The following CPEB1 variants were observed in gnomAD, a reference collection of about 807,000 sequenced individuals.
CPEB1 encodes cytoplasmic polyadenylation element-binding protein 1.
CPEB1 carries 7 observed loss-of-function variants against 65.8 expected under a neutral mutation model. That is an observed-to-expected ratio of 0.11 (90% CI 0.06 to 0.20). The LOEUF is 0.20. Ranked by LOEUF, CPEB1 falls within the 10% of genes least tolerant of loss-of-function variation. CPEB1 has a pLI of 1.00. For synonymous variants in CPEB1, 262 were observed against 260.0 expected, an observed-to-expected ratio of 1.01 and a Z score of -0.08; for missense variants, 551 against 712.2, an observed-to-expected ratio of 0.77 and a Z score of 2.58.
intron 1 of CPEB1, among the ~76,000 whole-genome samples, chr15:82,644,066 G>A (rs587694163): frequency 1.3e-5 from 2 of 152,282 alleles, no homozygotes; most frequent in East Asian, 1.9e-4. Flanking sequence ...CACAGTGGGA[G>A]GAGCCTGCCT....
At chr15:82,577,426 CTATT>C (rs2040778487) in intron 3 of CPEB1, among the ~76,000 whole-genome samples, 2 of 152,102 alleles carry the variant, frequency 1.3e-5, no homozygotes, top group Non-Finnish European at 2.9e-5. Flanking sequence ...TGCACAAAAA[CTATT>C]TTAAGTTTTC....
At chr15:82,617,924 G>A (rs1382770827) in intron 3 of CPEB1, among the ~76,000 whole-genome samples, 2 of 150,832 alleles carry the variant, frequency 1.3e-5, no homozygotes, top group Non-Finnish European at 3.0e-5. Context: ...TAGTAGAGAC[G>A]GGGTTTCACC....
chr15:82,583,868 A>G (rs2041517832), intron 3 of CPEB1, among the ~76,000 whole-genome samples: 5 of 152,346 alleles, frequency 3.3e-5, no homozygotes. Context: ...GGTATGTACA[A>G]TGCCTGTAAA....
intron 1 of CPEB1, among the ~76,000 whole-genome samples, chr15:82,634,598 C>T (rs1345225972): frequency 6.6e-6 from 1 of 152,046 alleles, no homozygotes; most frequent in Non-Finnish European, 1.5e-5. Flanking sequence ...TTTGAAGGGC[C>T]CAAGGTTTAC....
intron 3 of CPEB1, among the ~76,000 whole-genome samples, chr15:82,624,631 T>C (rs61708877): frequency 1.7e-3 from 257 of 152,262 alleles, no homozygotes; most frequent in African/African-American, 6.0e-3. Context: ...CCTGGCATCT[T>C]ACCAGTGAAG....
At chr15:82,573,352 AGGCCT>A in intron 3 of CPEB1, 2 of 585,832 alleles carry the variant, frequency 3.4e-6, no homozygotes, top group African/African-American at 1.9e-5. Flanking sequence ...ATCATGGCAA[AGGCCT>A]AGCAAAAATC....
chr15:82,560,038 T>G (rs1279908704), intron 4 of CPEB1, among the ~76,000 whole-genome samples: 2 of 152,190 alleles, frequency 1.3e-5, no homozygotes, highest in South Asian at 2.1e-4. Flanking sequence ...GAGCCGAGAT[T>G]GCGCCACTAC....
At chr15:82,624,056 A>ATTTCT (rs1197008502) in intron 3 of CPEB1, among the ~76,000 whole-genome samples, 1 of 152,158 alleles carries the variant, frequency 6.6e-6, no homozygotes, top group African/African-American at 2.4e-5. Context: ...AGTTTGGGTT[A>ATTTCT]TTTCTTAAGG....
chr15:82,647,620 G>C (rs587616812), upstream of CPEB1: 44 of 335,870 alleles, frequency 1.3e-4, no homozygotes, highest in South Asian at 5.8e-3. Context: ...CCCCCGCAGG[G>C]CTGCGGCGCC....
chr15:82,646,562 C>T (rs1206588927), intron 1 of CPEB1, among the ~76,000 whole-genome samples: 1 of 152,178 alleles, frequency 6.6e-6, no homozygotes, highest in Non-Finnish European at 1.5e-5. Context: ...GCTGAGAGCA[C>T]GGTGCAAGGG....
chr15:82,572,400 G>C (rs529050206), intron 3 of CPEB1, among the ~76,000 whole-genome samples: 3 of 152,178 alleles, frequency 2.0e-5, no homozygotes, highest in African/African-American at 4.8e-5. Context: ...TTGGCAGAGT[G>C]GGGGAGAGTC....
intron 1 of CPEB1, among the ~76,000 whole-genome samples, chr15:82,634,183 G>GTT (rs1350177413): frequency 2.9e-4 from 30 of 103,694 alleles, no homozygotes; most frequent in African/African-American, 1.3e-3. Context: ...GCATATAACT[G>GTT]GTTTTTTTTT....
At chr15:82,626,958 T>C (rs1218442181) in intron 3 of CPEB1, among the ~76,000 whole-genome samples, 1 of 152,228 alleles carries the variant, frequency 6.6e-6, no homozygotes, top group Non-Finnish European at 1.5e-5. Context: ...TCTGTGACCT[T>C]TTCTTTTTTC....
intron 3 of CPEB1, among the ~76,000 whole-genome samples, chr15:82,574,716 C>T (rs1350884719): frequency 3.8e-5 from 2 of 52,962 alleles, no homozygotes; most frequent in African/African-American, 1.0e-4. Context: ...GAGCTAGACT[C>T]GGTCTCAAAA....
rs72751679 is a variant in CPEB1 at position 82,640,129 on chromosome 15, G to A, written c.-98+7008C>T. On this transcript the variant is annotated intron_variant, in intron 1 of 12. Transcript: ENST00000684509. ...AATCATCTAATTTAGGCACTGTCTT[G>A]GGGGACCAGACATAACAGGCGTTTG... is the stretch of plus-strand genomic sequence containing the variant. Among the ~76,000 whole-genome samples, 1,136 of 152,106 alleles carry A rather than the reference G, an allele frequency of 7.5e-3. 12 individuals carry two copies. The highest frequency in any genetic ancestry group is 8.5e-3 in the Non-Finnish European group (575 of 67,994).
At chr15:82,556,235 A>G in intron 5 of CPEB1, 113 bp from the exon 6 acceptor site, 1 of 1,221,808 alleles carries the variant, frequency 8.2e-7, no homozygotes, top group Non-Finnish European at 1.1e-6. Context: ...TTTGATATAT[A>G]TTCTTTTAGA....
chr15:82,585,052 G>A (rs982440542), intron 3 of CPEB1, among the ~76,000 whole-genome samples: 3 of 151,738 alleles, frequency 2.0e-5, no homozygotes, highest in African/African-American at 7.3e-5. Flanking sequence ...TTGACATCAG[G>A]AGTTCAATGA....
chr15:82,636,481 C>T (rs1348423996), intron 1 of CPEB1, among the ~76,000 whole-genome samples: 2 of 152,142 alleles, frequency 1.3e-5, no homozygotes, highest in Non-Finnish European at 2.9e-5. Context: ...ATCTATTGTC[C>T]AATGTTCTTT....
At chr15:82,633,637 C>T (rs528813499) in intron 1 of CPEB1, among the ~76,000 whole-genome samples, 32 of 152,246 alleles carry the variant, frequency 2.1e-4, no homozygotes, top group Admixed American at 1.8e-3. Flanking sequence ...CCTCCCAAAG[C>T]GCTGGGATTA....
Sources: gnomAD v4.1 joint callset for allele counts (sites outside exome capture counted in the v4.1 genomes callset) on GRCh38, gnomAD v4.1.1 for gene constraint, MANE v1.5 for transcripts, NCBI Gene and HGNC (gene_info 2026-07-23, HGNC 2026-07-21) for gene names.